The following IL20RB variants were observed in gnomAD, a reference collection of about 807,000 sequenced individuals.
The protein encoded by IL20RB is interleukin-20 receptor subunit beta.
In IL20RB, 21 loss-of-function variants were observed where a neutral mutation model predicts 33.3. The observed-to-expected ratio is 0.63, with a 90% CI of 0.45 to 0.91. IL20RB has a LOEUF of 0.91. IL20RB is among the 40% of genes least tolerant of loss of function. IL20RB has a pLI of 0.00. For missense variants in IL20RB, 345 were observed against 384.8 expected (o/e 0.90, Z 0.86); for synonymous variants, 147 against 146.8 (o/e 1.00, Z -0.01).
At chr3:136,986,750 C>G (rs982096989) in intron 3 of IL20RB, 6 of 456,782 alleles carry the variant, frequency 1.3e-5, no homozygotes, top group African/African-American at 6.0e-5. Context: ...TTCTTGATCT[C>G]ACTGACTTCA....
At chr3:136,994,602 C>T (rs796962016) in intron 5 of IL20RB, among the ~76,000 whole-genome samples, 39 of 152,224 alleles carry the variant, frequency 2.6e-4, no homozygotes, top group African/African-American at 8.7e-4. Flanking sequence ...GGTGAGTAGC[C>T]TGGCCCAGAG....
chr3:137,007,531 A>T (rs1016496762), intron 6 of IL20RB, among the ~76,000 whole-genome samples: 22 of 152,318 alleles, frequency 1.4e-4, no homozygotes, highest in African/African-American at 5.1e-4. Context: ...GCCACCTCGC[A>T]GATTGATCTC....
chr3:136,961,773 G>A (rs748991229), intron 1 of IL20RB, among the ~76,000 whole-genome samples: 4 of 152,162 alleles, frequency 2.6e-5, no homozygotes, highest in Admixed American at 6.5e-5. Context: ...TAAGATGTTA[G>A]CATTCAGGGA....
chr3:136,990,051 G>A (rs963253362), intron 4 of IL20RB, among the ~76,000 whole-genome samples: 6 of 152,012 alleles, frequency 3.9e-5, no homozygotes, highest in Non-Finnish European at 5.9e-5. Flanking sequence ...ATCTAACTAT[G>A]AGCAGGTGGG....
chr3:136,980,282 CAT>C (rs1560069454), intron 1 of IL20RB, 182 bp from the exon 2 acceptor site: 3 of 609,746 alleles, frequency 4.9e-6, no homozygotes, highest in African/African-American at 2.2e-5. Flanking sequence ...GGTTTATAAA[CAT>C]GTGAGGCTTT....
chr3:136,992,167 C>T, intron 5 of IL20RB, 79 bp downstream of exon 5: 1 of 1,479,402 alleles, frequency 6.8e-7, no homozygotes, highest in South Asian at 1.3e-5. Context: ...CTGCTGGGTT[C>T]CTTTGGTTCT....
intron 3 of IL20RB, among the ~76,000 whole-genome samples, chr3:136,987,118 G>C (rs1345922181): frequency 2.7e-5 from 4 of 150,572 alleles, no homozygotes; most frequent in South Asian, 2.1e-4. Context: ...AGTGTGGAAG[G>C]GGACCCGAGC....
chr3:136,980,622 C>T (rs1941747723), intron 2 of IL20RB, 30 bp downstream of exon 2: 1 of 1,613,320 alleles, frequency 6.2e-7, no homozygotes, highest in South Asian at 1.1e-5. Flanking sequence ...AGTTCTTCTC[C>T]CTTAAGCAGA....
intron 1 of IL20RB, among the ~76,000 whole-genome samples, chr3:136,967,257 C>G (rs1221839448): frequency 6.6e-6 from 1 of 151,040 alleles, no homozygotes; most frequent in Admixed American, 6.6e-5. Flanking sequence ...TCCTTGTTGA[C>G]TTTCTGTCTC....
intron 6 of IL20RB, among the ~76,000 whole-genome samples, chr3:137,003,784 C>A (rs918070479): frequency 5.9e-5 from 9 of 152,158 alleles, no homozygotes; most frequent in African/African-American, 1.9e-4. Context: ...CTTGGCCTGG[C>A]CAGAACTTCC....
intron 1 of IL20RB, among the ~76,000 whole-genome samples, chr3:136,962,675 C>G (rs1941254045): frequency 6.6e-6 from 1 of 151,212 alleles, no homozygotes; most frequent in South Asian, 2.1e-4. Context: ...TCGCTTGAAC[C>G]TGGGAGGCAG....
chr3:136,958,635 T>G (rs1385314995), intron 1 of IL20RB, among the ~76,000 whole-genome samples: 1 of 152,220 alleles, frequency 6.6e-6, no homozygotes, highest in Non-Finnish European at 1.5e-5. Context: ...GATACGAGAC[T>G]TATAAAAATT....
At chr3:136,976,252 C>G (rs1402244705) in intron 1 of IL20RB, among the ~76,000 whole-genome samples, 1 of 152,080 alleles carries the variant, frequency 6.6e-6, no homozygotes, top group Non-Finnish European at 1.5e-5. Context: ...TGTGCTCAGG[C>G]CCTTCAATGG....
intron 1 of IL20RB, 166 bp from the exon 2 acceptor site, chr3:136,980,300 T>C (rs776366081): frequency 1.4e-6 from 1 of 729,990 alleles, no homozygotes; most frequent in Non-Finnish European, 2.3e-6. Flanking sequence ...GCTTTTTTTT[T>C]TTTGAGACAG....
chr3:137,010,345 G>A lies in IL20RB; in HGVS notation c.*122G>A. On this transcript the variant is annotated 3_prime_UTR_variant, in exon 7 of 7. Transcript: ENST00000329582. Reference sequence around the variant, plus strand: ...GGGATGAGAGAAGTAGGAAGAGCCTGTTGTCTACAAGTCTAGAAGCAACCA... The same window carrying A: ...GGGATGAGAGAAGTAGGAAGAGCCTATTGTCTACAAGTCTAGAAGCAACCA... 1 of 649,084 alleles carries A rather than the reference G, an allele frequency of 1.5e-6. No individual in the cohort carries two copies. Among genetic ancestry groups the A allele is most frequent in the Non-Finnish European group, 2.8e-6 (1 of 354,214 alleles). The allele number at this position is 649,084 out of a possible 1,614,324, so 40.2% of individuals were successfully genotyped here.
intron 3 of IL20RB, among the ~76,000 whole-genome samples, chr3:136,988,268 A>T (rs966091801): frequency 6.6e-6 from 1 of 152,218 alleles, no homozygotes; most frequent in Admixed American, 6.5e-5. Context: ...AAAGGCAAGT[A>T]TAACTCCATC....
At chr3:136,972,641 C>T (rs1245552977) in intron 1 of IL20RB, among the ~76,000 whole-genome samples, 2 of 151,950 alleles carry the variant, frequency 1.3e-5, no homozygotes, top group Non-Finnish European at 2.9e-5. Context: ...GTTGTGACAT[C>T]TTCTTTTTAA....
At chr3:136,962,595 T>C (rs1941251678) in intron 1 of IL20RB, among the ~76,000 whole-genome samples, 3 of 151,604 alleles carry the variant, frequency 2.0e-5, no homozygotes, top group Admixed American at 6.6e-5. Context: ...TTACTAAAAA[T>C]ACAAAAATTA....
intron 4 of IL20RB, among the ~76,000 whole-genome samples, chr3:136,990,325 C>T (rs1942006408): frequency 6.6e-6 from 1 of 152,138 alleles, no homozygotes; most frequent in Non-Finnish European, 1.5e-5. Context: ...CAATAAGGAG[C>T]TCTCACAGAT....
Sources: allele counts gnomAD v4.1 joint callset (sites outside exome capture counted in the v4.1 genomes callset), GRCh38; gene constraint gnomAD v4.1.1; transcripts MANE v1.5; gene names NCBI Gene and HGNC (gene_info 2026-07-23, HGNC 2026-07-21).